The following SEMA3A variants were observed in gnomAD, a reference collection of about 807,000 sequenced individuals.
The protein encoded by SEMA3A is semaphorin 3A.
A neutral mutation model predicts 97.9 loss-of-function variants in SEMA3A; 29 were observed. The ratio of observed to expected loss-of-function variants is 0.30; its 90% CI spans 0.22 to 0.40. The LOEUF (loss-of-function observed/expected upper bound fraction) is 0.40. Among genes scored for constraint, SEMA3A ranks in the 10% least tolerant of loss-of-function variants. SEMA3A has a pLI of 1.00. For missense variants in SEMA3A, 763 were observed against 951.3 expected (o/e 0.80, Z 2.60); for synonymous variants, 321 against 323.7 (o/e 0.99, Z 0.09).
intron 1 of SEMA3A, among the ~76,000 whole-genome samples, chr7:84,186,427 T>C (rs557184694): frequency 2.6e-5 from 4 of 152,314 alleles, no homozygotes; most frequent in Admixed American, 2.6e-4. Flanking sequence ...CGTACTTTCA[T>C]TTAAGCTAGT....
intron 3 of SEMA3A, among the ~76,000 whole-genome samples, chr7:84,239,041 T>C (rs1359033124): frequency 2.6e-5 from 4 of 152,112 alleles, no homozygotes; most frequent in African/African-American, 9.7e-5. Context: ...TTTAAAGCCA[T>C]GTAGCAAACC....
intron 3 of SEMA3A, among the ~76,000 whole-genome samples, chr7:84,299,309 CATATATATATAT>C (rs3077893): frequency 2.4e-5 from 2 of 82,082 alleles, no homozygotes; most frequent in African/African-American, 3.9e-5. Context: ...TATATATCTC[CATATATATATAT>C]ATCTCCATAT....
chr7:84,134,975 T>A (rs762702917), intron 1 of SEMA3A, 24 bp from the exon 2 acceptor site: 11 of 1,607,874 alleles, frequency 6.8e-6, no homozygotes, highest in Non-Finnish European at 9.4e-6. Context: ...AAGCAAAACA[T>A]TGGGTATTAA....
At chr7:84,315,616 T>C (rs1385236329) in intron 2 of SEMA3A, among the ~76,000 whole-genome samples, 1 of 152,132 alleles carries the variant, frequency 6.6e-6, no homozygotes, top group African/African-American at 2.4e-5. Context: ...ATGAAACTGA[T>C]AAATGCAATA....
chr7:83,961,784 G>A lies in SEMA3A; in HGVS notation c.1903C>T (p.Leu635=), dbSNP rs1788481931. The A allele has an allele frequency of 5.0e-6, 8 of 1,613,914 alleles. No homozygotes were observed. Among genetic ancestry groups the A allele is most frequent in the Non-Finnish European group, 6.8e-6 (8 of 1,179,882 alleles). The part of the protein sequence containing the change: ...DHIIRTDQGL[L]LRSLQQKDSG... ...TCCTTCTGTTGTAGACTACGTAGCA[G>A]AAGGCCTTGATCTGTCCTGATGATA... The change falls in exon 17 of 17, where the codon CTG becomes TTG. Residue 635 remains leucine, a synonymous_variant. Transcript: ENST00000265362.
At chr7:84,458,152 C>T (rs1471449236) in intron 1 of SEMA3A, among the ~76,000 whole-genome samples, 1 of 152,028 alleles carries the variant, frequency 6.6e-6, no homozygotes, top group African/African-American at 2.4e-5. Flanking sequence ...ATCACAGAAG[C>T]ATTATATGCA....
chr7:83,978,927 A>G (rs556896140), intron 14 of SEMA3A, among the ~76,000 whole-genome samples: 49 of 152,318 alleles, frequency 3.2e-4, no homozygotes, highest in African/African-American at 1.1e-3. Context: ...AATTCCTTCA[A>G]TCTTGAATTG....
At chr7:84,234,329 T>G (rs1017029863) in intron 3 of SEMA3A, among the ~76,000 whole-genome samples, 2 of 152,092 alleles carry the variant, frequency 1.3e-5, no homozygotes, top group African/African-American at 2.4e-5. Context: ...CCTTCCACAC[T>G]CATGCTCATG....
chr7:84,102,944 C>T (rs942090033), intron 4 of SEMA3A, among the ~76,000 whole-genome samples: 2 of 151,966 alleles, frequency 1.3e-5, no homozygotes, highest in Admixed American at 6.6e-5. Flanking sequence ...AGAGTTACCA[C>T]ATATTGTATG....
intron 5 of SEMA3A, among the ~76,000 whole-genome samples, chr7:84,060,067 G>C (rs147985385): frequency 1.3e-5 from 2 of 152,094 alleles, no homozygotes; most frequent in Admixed American, 6.5e-5. Flanking sequence ...CAAATATTTT[G>C]TTAGATTTTC....
chr7:83,958,977 C>T lies in SEMA3A; in HGVS notation c.*2394G>A, dbSNP rs978867062. On this transcript the variant is annotated 3_prime_UTR_variant, in exon 17 of 17. Transcript: ENST00000265362. ...AATTCTTTTTCGTGCAAACTGCCCC[C>T]TCTCAATACACATGGGCAGAGATTA... 1 of 152,048 alleles carries T rather than the reference C, an allele frequency of 6.6e-6. No individual in the cohort carries two copies. The highest frequency in any genetic ancestry group is 1.5e-5 in the Non-Finnish European group (1 of 67,922). 9.4% of individuals were successfully genotyped at this position (152,048 alleles called of 1,614,324 possible).
Position 84,367,352 on chromosome 7 carries a change from C to T in SEMA3A, c.-169+4472G>A, listed in dbSNP as rs182444025. 2.0e-5 allele frequency among the ~76,000 whole-genome samples: 3 copies of T among 151,216 alleles called. No individual in the cohort carries two copies. The East Asian group carries it at 5.8e-4, about 29-fold the overall frequency. On this transcript the variant is annotated intron_variant, in intron 2 of 3. Transcript: ENST00000424555. ...TAAAAGGAAGTATTATTAAAGTAGG[C>T]CAGTGGATCCTCAAAAATAATCTAC...
intron 3 of SEMA3A, among the ~76,000 whole-genome samples, chr7:84,233,414 T>C (rs1799161530): frequency 6.6e-6 from 1 of 151,988 alleles, no homozygotes; most frequent in Non-Finnish European, 1.5e-5. Flanking sequence ...ATTTACTTAA[T>C]AAAGTTGTTG....
chr7:84,054,966 T>G (rs1218260817), intron 5 of SEMA3A, among the ~76,000 whole-genome samples: 1 of 152,124 alleles, frequency 6.6e-6, no homozygotes, highest in African/African-American at 2.4e-5. Flanking sequence ...CCCTGCCATG[T>G]GAGGTGTCAG....
chr7:84,390,904 T>C (rs1008973749), intron 1 of SEMA3A, among the ~76,000 whole-genome samples: 4 of 152,078 alleles, frequency 2.6e-5, no homozygotes, highest in Admixed American at 2.0e-4. Context: ...TCAGGGTCAA[T>C]AGTTAAAAGA....
chr7:84,052,594 T>A (rs1792730978), intron 5 of SEMA3A, among the ~76,000 whole-genome samples: 1 of 152,116 alleles, frequency 6.6e-6, no homozygotes, highest in Admixed American at 6.6e-5. Flanking sequence ...TATTTGATTC[T>A]TCTCTCTTTT....
intron 1 of SEMA3A, among the ~76,000 whole-genome samples, chr7:84,181,786 A>G (rs1398856935): frequency 6.6e-6 from 1 of 152,168 alleles, no homozygotes; most frequent in African/African-American, 2.4e-5. Context: ...CCTCACCTTC[A>G]CATATCATTT....
In SEMA3A at chr7:84,274,237, C is replaced by T. The variant is rs868746702; in HGVS notation, c.-83+32970G>A. 9.9e-5 allele frequency among the ~76,000 whole-genome samples: 15 copies of T among 151,190 alleles called. 1 individual carries two copies. The highest frequency in any genetic ancestry group is 3.5e-3 in the Middle Eastern group (1 of 286). On this transcript the variant is annotated intron_variant, in intron 3 of 3. Transcript: ENST00000424555. ...TCCACTTTGTGGTTTGCAAAGGGGC[C>T]TCTAAGGTCTCACAGGCCACTCTAA...
intron 14 of SEMA3A, among the ~76,000 whole-genome samples, chr7:83,980,669 CATATACATATAG>C (rs1584501264): frequency 7.1e-6 from 1 of 140,150 alleles, no homozygotes; most frequent in East Asian, 2.0e-4. Context: ...CATATATACA[CATATACATATAG>C]ATATACACAT....
Sources: gnomAD v4.1 joint callset for allele counts (sites outside exome capture counted in the v4.1 genomes callset) on GRCh38, gnomAD v4.1.1 for gene constraint, MANE v1.5 for transcripts, NCBI Gene and HGNC (gene_info 2026-07-23, HGNC 2026-07-21) for gene names.